LINGO2: variants seen among roughly 807,000 people sequenced by gnomAD.
LINGO2 encodes the protein leucine rich repeat and Ig domain containing 2.
Under a neutral mutation model 30.6 loss-of-function variants are expected in LINGO2, and 14 were observed. The ratio of observed to expected loss-of-function variants is 0.46; its 90% CI spans 0.30 to 0.72. LINGO2 has a LOEUF of 0.72. Ranked by LOEUF, LINGO2 falls within the 30% of genes least tolerant of loss-of-function variation. The pLI, the probability that LINGO2 is intolerant of heterozygous loss-of-function variation, is 0.07. For missense variants in LINGO2, 729 were observed against 751.7 expected (o/e 0.97, Z 0.35); for synonymous variants, 317 against 288.5 (o/e 1.10, Z -1.00).
chr9:28,273,136 C>T (rs541152596), intron 4 of LINGO2, among the ~76,000 whole-genome samples: 1 of 152,198 alleles, frequency 6.6e-6, no homozygotes, highest in African/African-American at 2.4e-5. Context: ...AAAAGAAAAC[C>T]ACATAGTTCC....
the LINGO2 span, among the ~76,000 whole-genome samples, chr9:28,917,621 A>T: frequency 2.0e-5 from 3 of 151,996 alleles, no homozygotes; most frequent in African/African-American, 7.2e-5. Flanking sequence ...ATAAGTTTTA[A>T]AAGTCTCATA....
At chr9:28,553,298 C>T (rs1009294551) in intron 1 of LINGO2, among the ~76,000 whole-genome samples, 6 of 151,916 alleles carry the variant, frequency 3.9e-5, no homozygotes, top group African/African-American at 1.5e-4. Flanking sequence ...CAGAGAAGTG[C>T]TTAAAGGAGC....
chr9:28,022,911 ACTTAT>A (rs769145142), intron 4 of LINGO2, among the ~76,000 whole-genome samples: 60 of 151,724 alleles, frequency 4.0e-4, no homozygotes, highest in Non-Finnish European at 7.1e-4. Context: ...TTCTATTGTG[ACTTAT>A]CTTAAAAGCT....
chr9:28,763,053 G>T, the LINGO2 span, among the ~76,000 whole-genome samples: 35,160 of 151,872 alleles, frequency 0.23, 4,688 homozygotes, highest in East Asian at 0.42. Context: ...GAAAACAACC[G>T]AAGTCAAAAT....
At chr9:27,959,331 T>G (rs1416515012) in intron 5 of LINGO2, among the ~76,000 whole-genome samples, 1 of 151,946 alleles carries the variant, frequency 6.6e-6, no homozygotes, top group African/African-American at 2.4e-5. Flanking sequence ...TTAATTCATT[T>G]TCGCTTCCTA....
chr9:29,020,424 T>C, the LINGO2 span, among the ~76,000 whole-genome samples: 1 of 152,222 alleles, frequency 6.6e-6, no homozygotes, highest in Non-Finnish European at 1.5e-5. Flanking sequence ...AATGATTGCA[T>C]TATCAAGTGG....
chr9:28,682,855 T>C, the LINGO2 span, among the ~76,000 whole-genome samples: 1 of 148,956 alleles, frequency 6.7e-6, no homozygotes, highest in Non-Finnish European at 1.5e-5. Context: ...AGAAAGTTGG[T>C]TCTCTCTATG....
At chr9:28,842,771 C>T in the LINGO2 span, among the ~76,000 whole-genome samples, 1 of 151,814 alleles carries the variant, frequency 6.6e-6, no homozygotes, top group South Asian at 2.1e-4. Flanking sequence ...TAGTTATCCT[C>T]TCTGAGTCTC....
intron 1 of LINGO2, among the ~76,000 whole-genome samples, chr9:28,516,361 A>G (rs1820619006): frequency 6.6e-6 from 1 of 152,194 alleles, no homozygotes; most frequent in Admixed American, 6.5e-5. Context: ...TAAAAACTAC[A>G]TTTAAGTTTT....
chr9:28,408,331 A>G (rs1822595634), intron 2 of LINGO2, among the ~76,000 whole-genome samples: 1 of 152,156 alleles, frequency 6.6e-6, no homozygotes. Flanking sequence ...AAGAAACACC[A>G]GAAATATCTT....
At chr9:28,185,586 C>T (rs2133735441) in intron 4 of LINGO2, among the ~76,000 whole-genome samples, 1 of 152,304 alleles carries the variant, frequency 6.6e-6, no homozygotes, top group South Asian at 2.1e-4. Flanking sequence ...AAAGTCTTCA[C>T]TCCCACTTTT....
the LINGO2 span, among the ~76,000 whole-genome samples, chr9:28,936,198 A>G: frequency 2.0e-5 from 3 of 152,210 alleles, no homozygotes; most frequent in East Asian, 5.8e-4. Context: ...CCATCTGAAA[A>G]GAATGCTATT....
chr9:28,428,675 A>C (rs1429787854), intron 2 of LINGO2, among the ~76,000 whole-genome samples: 1 of 152,136 alleles, frequency 6.6e-6, no homozygotes, highest in African/African-American at 2.4e-5. Context: ...TTTCATCAGT[A>C]TCATGGTGGG....
chr9:28,637,791 T>C (rs1241683360), intron 1 of LINGO2, among the ~76,000 whole-genome samples: 1 of 152,164 alleles, frequency 6.6e-6, no homozygotes, highest in East Asian at 1.9e-4. Context: ...ACTTCCTCTT[T>C]TCCTAATTGA....
At chr9:28,479,931 A>G (rs1462510088) in intron 1 of LINGO2, among the ~76,000 whole-genome samples, 43 of 116,734 alleles carry the variant, frequency 3.7e-4, no homozygotes, top group African/African-American at 1.7e-3. Flanking sequence ...ATATATATAT[A>G]TATATATATA....
intron 5 of LINGO2, among the ~76,000 whole-genome samples, chr9:28,002,944 T>A (rs1186575433): frequency 2.0e-5 from 3 of 152,150 alleles, no homozygotes; most frequent in Non-Finnish European, 4.4e-5. Flanking sequence ...TGGGATGGCA[T>A]CCTGTCCATG....
At chr9:29,094,761 ATAT>A in the LINGO2 span, among the ~76,000 whole-genome samples, 3 of 139,178 alleles carry the variant, frequency 2.2e-5, no homozygotes, top group Non-Finnish European at 3.1e-5. Flanking sequence ...GATCAAAAAT[ATAT>A]TATTAAAATA....
At chr9:28,512,255 G>A (rs982605437) in intron 1 of LINGO2, among the ~76,000 whole-genome samples, 2 of 152,002 alleles carry the variant, frequency 1.3e-5, no homozygotes, top group African/African-American at 4.8e-5. Flanking sequence ...ATAGTCACAT[G>A]TTCATTTTCC....
chr9:28,415,181 T>C (rs576678805), intron 2 of LINGO2, among the ~76,000 whole-genome samples: 27 of 152,242 alleles, frequency 1.8e-4, no homozygotes, highest in Non-Finnish European at 3.4e-4. Flanking sequence ...ATTCACGTGC[T>C]AGTTCCTTCT....
Sources: allele counts gnomAD v4.1 joint callset (sites outside exome capture counted in the v4.1 genomes callset), GRCh38; gene constraint gnomAD v4.1.1; transcripts MANE v1.5; gene names NCBI Gene and HGNC (gene_info 2026-07-23, HGNC 2026-07-21).